Variants in B4GALT3 observed in about 807,000 individuals in gnomAD.
B4GALT3 encodes the protein beta-1,4-galactosyltransferase 3.
Under a neutral mutation model 40.7 loss-of-function variants are expected in B4GALT3, and 29 were observed. The ratio of observed to expected loss-of-function variants is 0.71; its 90% CI spans 0.53 to 0.97. The LOEUF is 0.97. B4GALT3 is among the 50% of genes least tolerant of loss of function. B4GALT3 has a pLI of 0.00. For synonymous variants in B4GALT3, 182 were observed against 203.9 expected (o/e 0.89, Z 0.92); for missense variants, 390 against 522.3 (o/e 0.75, Z 2.47).
chr1:161,172,106 G>A lies in B4GALT3; in HGVS notation c.909-17C>T, dbSNP rs748398250. On this transcript the variant is annotated splice_polypyrimidine_tract_variant and intron_variant, in intron 7 of 7. Transcript: ENST00000319769. ...AGGTCAAATCTGAGGGTTAGAGGTTGGAGACTAAGACCCAGAAAGGAACAG... is the reference window on the plus strand; with the variant it reads ...AGGTCAAATCTGAGGGTTAGAGGTTAGAGACTAAGACCCAGAAAGGAACAG... 2 of 1,612,974 alleles carry A rather than the reference G, an allele frequency of 1.2e-6. No individual in the cohort carries two copies. Among genetic ancestry groups the A allele is most frequent in the Non-Finnish European group, 1.7e-6 (2 of 1,179,118 alleles).
chr1:161,171,687 C>T lies in B4GALT3; in HGVS notation c.*129G>A. ...TCCAGTCCAGCAGTGAGGGAGAGGCCCCTACCCCCTAGCACGGCACCAGAG... is the reference window on the plus strand; with the variant it reads ...TCCAGTCCAGCAGTGAGGGAGAGGCTCCTACCCCCTAGCACGGCACCAGAG... On this transcript the variant is annotated 3_prime_UTR_variant, in exon 8 of 8. Coordinates refer to ENST00000319769, the MANE Select transcript of B4GALT3 (RefSeq NM_003779.4). The T allele has an allele frequency of 7.5e-7, 1 of 1,340,542 alleles. No individual in the cohort carries two copies. The highest frequency in any genetic ancestry group is 1.0e-6 in the Non-Finnish European group (1 of 982,660). 83.0% of individuals were successfully genotyped at this position (1,340,542 alleles called of 1,614,324 possible).
rs1663410646 is a variant in B4GALT3 at position 161,176,088 on chromosome 1, G to A, written c.-14-14C>T. 1 of 1,610,934 alleles carries A rather than the reference G, an allele frequency of 6.2e-7. No individual in the cohort carries two copies. Among genetic ancestry groups the A allele is most frequent in the Non-Finnish European group, 8.5e-7 (1 of 1,177,776 alleles). On this transcript the variant is annotated splice_polypyrimidine_tract_variant and intron_variant, in intron 2 of 7. Transcript: ENST00000319769. ...TGGGGGTGAGATCTAGGGAGGGAGAGGGGAATTCTGGGGGTAGGCAGGAAG... is the reference window on the plus strand; with the variant it reads ...TGGGGGTGAGATCTAGGGAGGGAGAAGGGAATTCTGGGGGTAGGCAGGAAG...
chr1:161,172,195 A>G (rs1661697267), intron 7 of B4GALT3, 32 bp downstream of exon 7: 1 of 1,612,980 alleles, frequency 6.2e-7, no homozygotes, highest in Non-Finnish European at 8.5e-7. Context: ...GGATCCAGTA[A>G]CAATTCCCAG....
rs768017177 is a variant in B4GALT3, at chr1:161,172,379, C to T, written c.804-48G>A. The T allele has an allele frequency of 2.6e-6, 4 of 1,516,820 alleles. No individual in the cohort carries two copies. The East Asian group carries it at 9.0e-5, about 34-fold the overall frequency. The allele number at this position is 1,516,820 out of a possible 1,614,324, so 94.0% of individuals were successfully genotyped here. A position where few individuals can be genotyped will look rare whatever the true frequency, so the allele number is the denominator to read the frequency against. ...ATGGGGGATCCAGAGTAGAGAAAAG[C>T]AAGGAAGGGATTAAATGTTTCTGTA... On this transcript the variant is annotated intron_variant, in intron 6 of 7. Coordinates refer to ENST00000319769, the MANE Select transcript of B4GALT3 (RefSeq NM_003779.4).
Position 161,171,931 on chromosome 1 carries a change from C to G in B4GALT3, c.1067G>C (p.Arg356Pro), listed in dbSNP as rs746359457. ...GGCTTGGGAGGAACCAGGTGGGTAA[C>G]GTGGCCCAGAAGGAGCCCGAGGACC... Reference protein sequence around the residue: ...PRGPRAPSGPRYPPGSSQAFR... With the variant: ...PRGPRAPSGPPYPPGSSQAFR... The change falls in exon 8 of 8, where the codon CGT becomes CCT. Residue 356 changes from arginine to proline, a missense_variant. By Grantham distance (103) the Arg-to-Pro change is moderately radical (BLOSUM62 -2). Around this residue, in one of 3 missense-constraint regions of B4GALT3, gnomAD observed 72 missense variants for 71.3 expected, o/e 1.01. Coordinates refer to ENST00000319769, the MANE Select transcript of B4GALT3 (RefSeq NM_003779.4). 3.7e-6 allele frequency: 6 copies of G among 1,614,138 alleles called. No homozygotes were observed. The Admixed American group carries it at 1.0e-4, about 27-fold the overall frequency.
At position 161,171,915 on chromosome 1, in the gene B4GALT3, G is replaced by C; in HGVS notation, c.1083C>G (p.Ser361=). The change falls in exon 8 of 8, where the codon TCC becomes TCG. Residue 361 remains serine, a synonymous_variant. Transcript: ENST00000319769. ...APSGPRYPPG[S]SQAFRQEMLQ... Reference sequence around the variant, plus strand: ...GCATCTCTTGACGGAAGGCTTGGGAGGAACCAGGTGGGTAACGTGGCCCAG... The same window carrying C: ...GCATCTCTTGACGGAAGGCTTGGGACGAACCAGGTGGGTAACGTGGCCCAG... The C allele has an allele frequency of 6.2e-7, 1 of 1,614,192 alleles. No homozygotes were observed.
intron 1 of B4GALT3, chr1:161,177,125 G>A (rs1415583469): frequency 2.1e-5 from 32 of 1,493,394 alleles, no homozygotes; most frequent in Non-Finnish European, 2.5e-5. Context: ...AAAGGGAGAG[G>A]GAGAGCAGGG....
chr1:161,173,550 A>G, intron 6 of B4GALT3, 55 bp downstream of exon 6: 1 of 1,611,474 alleles, frequency 6.2e-7, no homozygotes, highest in East Asian at 2.2e-5. Context: ...AGGTGGTCTT[A>G]GAGGACAGGG....
At chr1:161,177,039 T>C (rs1553245831) in intron 1 of B4GALT3, 1 of 1,528,044 alleles carries the variant, frequency 6.5e-7, no homozygotes, top group Non-Finnish European at 8.7e-7. Context: ...GAGAGTAGGG[T>C]GGGGGTGGCG....
chr1:161,174,042 T>G lies in B4GALT3; in HGVS notation c.497A>C (p.Asn166Thr), dbSNP rs1209617337. ...CAGTTTTGCCCTGTTAAATGTTCCA[T>G]TTCCAGCCTGGAAGATAATGGAGGG... ...YGIYVIHQAG[N>T]GTFNRAKLLN... Residue 166 changes from asparagine to threonine, a missense_variant, in exon 5 of 8, where the codon AAT becomes ACT. Coordinates refer to ENST00000319769, the MANE Select transcript of B4GALT3 (RefSeq NM_003779.4). The G allele has an allele frequency of 6.2e-7, 1 of 1,613,464 alleles. No homozygotes were observed. Among genetic ancestry groups the G allele is most frequent in the Non-Finnish European group, 8.5e-7 (1 of 1,179,678 alleles).
Position 161,171,735 on chromosome 1 carries a change from G to A in B4GALT3, c.*81C>T. ...GAGTTCAGTTCCCTCACATCCCTCT[G>A]AGAACAGTGAGGAGCTGAGGGTGGG... On this transcript the variant is annotated 3_prime_UTR_variant, in exon 8 of 8. Coordinates refer to ENST00000319769, the MANE Select transcript of B4GALT3 (RefSeq NM_003779.4). 6.5e-7 allele frequency: 1 copy of A among 1,543,178 alleles called. No homozygotes were observed. Among genetic ancestry groups the A allele is most frequent in the Non-Finnish European group, 8.8e-7 (1 of 1,133,664 alleles).
rs114875710 is a variant in B4GALT3, at chr1:161,174,595, G to T, written c.489+398C>A. 5.8e-3 allele frequency among the ~76,000 whole-genome samples: 890 copies of T among 152,184 alleles called. 2 individuals carry two copies. Among genetic ancestry groups the T allele is most frequent in the Non-Finnish European group, 8.1e-3 (554 of 68,012 alleles). On this transcript the variant is annotated intron_variant, in intron 4 of 7. Transcript: ENST00000319769. ...TGTCTAACATTTAATCCTGACAATT[G>T]GCAACCAACAATGGTGTGGTGTGGA...
In B4GALT3 at chr1:161,175,709, C is replaced by T. The variant is rs796508679; in HGVS notation, c.253+99G>A. 9.1e-6 allele frequency: 14 copies of T among 1,530,936 alleles called. No homozygotes were observed. In the African/African-American group the frequency reaches 1.5e-4, roughly 17 times the overall value. The allele number at this position is 1,530,936 out of a possible 1,614,324, so 94.8% of individuals were successfully genotyped here. A position where few individuals can be genotyped will look rare whatever the true frequency, so the allele number is the denominator to read the frequency against. On this transcript the variant is annotated intron_variant, in intron 3 of 7. Coordinates refer to ENST00000319769, the MANE Select transcript of B4GALT3 (RefSeq NM_003779.4). ...GCAGCCTCAGCCTACCTATCCTCTTCTAAGTTCCACTTCTGCCACTCCATG... is the reference window on the plus strand; with the variant it reads ...GCAGCCTCAGCCTACCTATCCTCTTTTAAGTTCCACTTCTGCCACTCCATG...
intron 5 of B4GALT3, 42 bp downstream of exon 5, chr1:161,173,817 A>G (rs974386582): frequency 3.7e-6 from 6 of 1,609,982 alleles, no homozygotes; most frequent in Non-Finnish European, 5.1e-6. Flanking sequence ...TCCACAGGAT[A>G]GTAGGCTTCC....
intron 1 of B4GALT3, 56 bp downstream of exon 1, chr1:161,177,367 G>C: frequency 2.4e-6 from 1 of 411,696 alleles, no homozygotes; most frequent in Non-Finnish European, 4.5e-6. Context: ...TCACTCTCTC[G>C]AATGCCCAAA....
At position 161,171,798 on chromosome 1, in the gene B4GALT3, G is replaced by T; in HGVS notation, c.*18C>A. On this transcript the variant is annotated 3_prime_UTR_variant, in exon 8 of 8. Coordinates refer to ENST00000319769, the MANE Select transcript of B4GALT3 (RefSeq NM_003779.4). ...CCATGAATTCGGTTTCATGATTAAG[G>T]TAGACAGGAAGGAGGAGTCAGTGTG... is the stretch of plus-strand genomic sequence containing the variant. The T allele has an allele frequency of 1.2e-6, 2 of 1,613,164 alleles. 1 individual carries two copies. Among genetic ancestry groups the T allele is most frequent in the South Asian group, 2.2e-5 (2 of 91,044 alleles).
At chr1:161,175,310 A>G (rs544679689) in intron 3 of B4GALT3, 82 bp from the exon 4 acceptor site, 271 of 1,246,678 alleles carry the variant, frequency 2.2e-4, no homozygotes, top group Middle Eastern at 6.4e-4. Context: ...TACCTCTGAC[A>G]CTGGCAGTCT....
intron 6 of B4GALT3, among the ~76,000 whole-genome samples, chr1:161,172,780 C>A (rs1168670712): frequency 6.6e-6 from 1 of 150,874 alleles, no homozygotes; most frequent in African/African-American, 2.4e-5. Context: ...GCAATCCTAG[C>A]ACTTTTGGAT....
intron 6 of B4GALT3, among the ~76,000 whole-genome samples, chr1:161,172,969 G>C (rs1286189983): frequency 1.3e-5 from 2 of 152,158 alleles, no homozygotes; most frequent in African/African-American, 4.8e-5. Flanking sequence ...CAGAAGCATG[G>C]AGTGCAGATG....
Sources: gnomAD v4.1 joint callset for allele counts (sites outside exome capture counted in the v4.1 genomes callset) on GRCh38, gnomAD v4.1.1 for gene constraint, gnomAD v4.1.1 regional missense constraint, MANE v1.5 for transcripts, NCBI Gene and HGNC (gene_info 2026-07-23, HGNC 2026-07-21) for gene names.